Variants in ADCY8 observed in about 807,000 individuals in gnomAD.
ADCY8 encodes adenylate cyclase type 8.
A neutral mutation model predicts 119.7 loss-of-function variants in ADCY8; 51 were observed. The ratio of observed to expected loss-of-function variants is 0.43; its 90% CI spans 0.34 to 0.54. ADCY8 has a LOEUF of 0.54. Ranked by LOEUF, ADCY8 falls within the 20% of genes least tolerant of loss-of-function variation. The pLI, the probability that ADCY8 is intolerant of heterozygous loss-of-function variation, is 0.03. For synonymous variants in ADCY8, 665 were observed against 651.0 expected, an observed-to-expected ratio of 1.02 and a Z score of -0.33; for missense variants, 1,383 against 1,598.8, an observed-to-expected ratio of 0.87 and a Z score of 2.30.
intron 12 of ADCY8, among the ~76,000 whole-genome samples, chr8:130,834,262 G>A (rs2130253364): frequency 6.6e-6 from 1 of 152,120 alleles, no homozygotes; most frequent in East Asian, 1.9e-4. Context: ...ATATGAGCTG[G>A]CAATTCACAT....
intron 5 of ADCY8, among the ~76,000 whole-genome samples, chr8:130,915,931 G>T (rs1044449450): frequency 6.6e-6 from 1 of 152,096 alleles, no homozygotes; most frequent in Non-Finnish European, 1.5e-5. Flanking sequence ...TGGAAAAAAC[G>T]GTGCCCTTGA....
At chr8:131,016,725 G>C (rs897077220) in intron 1 of ADCY8, among the ~76,000 whole-genome samples, 2 of 152,098 alleles carry the variant, frequency 1.3e-5, no homozygotes, top group African/African-American at 4.8e-5. Flanking sequence ...TGTGGAGACA[G>C]GGATGAAGAA....
intron 2 of ADCY8, among the ~76,000 whole-genome samples, chr8:130,966,517 T>C (rs1034193963): frequency 3.3e-5 from 5 of 152,192 alleles, no homozygotes; most frequent in Non-Finnish European, 7.3e-5. Flanking sequence ...CAATGCATGT[T>C]TGTAGAAGGA....
At chr8:130,818,563 T>C (rs1369319822) in intron 13 of ADCY8, among the ~76,000 whole-genome samples, 1 of 152,190 alleles carries the variant, frequency 6.6e-6, no homozygotes, top group Non-Finnish European at 1.5e-5. Context: ...TCCGTCCCTC[T>C]GGAGATGTTT....
At chr8:131,035,666 A>G (rs776685752) in intron 1 of ADCY8, among the ~76,000 whole-genome samples, 2 of 152,290 alleles carry the variant, frequency 1.3e-5, no homozygotes, top group Non-Finnish European at 2.9e-5. Context: ...AGATTCTCAT[A>G]GCTTAGATTA....
intron 2 of ADCY8, 116 bp from the exon 3 acceptor site, chr8:130,952,114 T>G: frequency 8.7e-7 from 1 of 1,148,732 alleles, no homozygotes; most frequent in East Asian, 2.4e-5. Context: ...GATTGCTAAT[T>G]TCATACCATT....
At chr8:130,803,603 T>C (rs10956554) in intron 14 of ADCY8, among the ~76,000 whole-genome samples, 1 of 152,354 alleles carries the variant, frequency 6.6e-6, no homozygotes, top group East Asian at 1.9e-4. Flanking sequence ...TGCTTTCATA[T>C]GAATTCAGTG....
chr8:130,887,572 C>CT (rs756348077), intron 7 of ADCY8, among the ~76,000 whole-genome samples: 42 of 152,240 alleles, frequency 2.8e-4, no homozygotes, highest in Admixed American at 5.9e-4. Context: ...ATTACAAATG[C>CT]TGTTTGGCCA....
chr8:130,844,337 T>C (rs11783792), intron 11 of ADCY8, among the ~76,000 whole-genome samples: 32,825 of 152,128 alleles, frequency 0.22, 3,615 homozygotes, highest in Admixed American at 0.26. Context: ...CTTTCATTCC[T>C]GGCATCTTCA....
At chr8:130,952,850 C>T (rs1821315306) in intron 2 of ADCY8, among the ~76,000 whole-genome samples, 1 of 151,952 alleles carries the variant, frequency 6.6e-6, no homozygotes, top group Non-Finnish European at 1.5e-5. Context: ...ACTTTAGTTG[C>T]CTGGGAGAGT....
At chr8:130,938,685 A>G (rs1341246507) in intron 4 of ADCY8, among the ~76,000 whole-genome samples, 1 of 152,238 alleles carries the variant, frequency 6.6e-6, no homozygotes, top group Non-Finnish European at 1.5e-5. Flanking sequence ...ATACTATCCC[A>G]AGAAAAACAA....
chr8:130,883,294 G>A (rs1168957276), intron 8 of ADCY8, among the ~76,000 whole-genome samples: 2 of 152,102 alleles, frequency 1.3e-5, no homozygotes, highest in Admixed American at 6.5e-5. Context: ...TGCAGTAACC[G>A]GGAAAGAAAA....
chr8:131,027,220 T>C (rs1201480961), intron 1 of ADCY8, among the ~76,000 whole-genome samples: 1 of 152,206 alleles, frequency 6.6e-6, no homozygotes, highest in Non-Finnish European at 1.5e-5. Context: ...CAATTCTCCA[T>C]TTAAACACAC....
At chr8:130,922,389 A>C (rs113704524) in intron 5 of ADCY8, among the ~76,000 whole-genome samples, 13,263 of 151,124 alleles carry the variant, frequency 0.088, 588 homozygotes, top group Non-Finnish European at 0.1. Context: ...TGGGTACTTG[A>C]GATTAGGGAG....
intron 1 of ADCY8, among the ~76,000 whole-genome samples, chr8:130,999,716 C>T (rs985253423): frequency 6.6e-6 from 1 of 152,190 alleles, no homozygotes. Context: ...ATACTTCCAC[C>T]TATTTCTGGA....
chr8:130,990,246 C>T (rs1822532227), intron 2 of ADCY8, 147 bp downstream of exon 2: 2 of 1,040,848 alleles, frequency 1.9e-6, no homozygotes, highest in Non-Finnish European at 2.8e-6. Context: ...AAGTCTAACA[C>T]AACTATTTCA....
At chr8:130,790,219 A>G (rs1815382788) in intron 15 of ADCY8, among the ~76,000 whole-genome samples, 1 of 152,168 alleles carries the variant, frequency 6.6e-6, no homozygotes, top group African/African-American at 2.4e-5. Context: ...GGTGTCTTCT[A>G]CCTAAGCACT....
intron 1 of ADCY8, among the ~76,000 whole-genome samples, chr8:131,002,071 T>C (rs1822968492): frequency 6.6e-6 from 1 of 152,222 alleles, no homozygotes; most frequent in East Asian, 1.9e-4. Context: ...TGGCTAAGAA[T>C]TTGGGCTTCT....
chr8:131,012,021 T>G (rs988312467), intron 1 of ADCY8, among the ~76,000 whole-genome samples: 6 of 152,240 alleles, frequency 3.9e-5, no homozygotes, highest in Admixed American at 1.3e-4. Context: ...CCAATTACCA[T>G]CACTCCCAGG....
Sources: gnomAD v4.1 joint callset for allele counts (sites outside exome capture counted in the v4.1 genomes callset) on GRCh38, gnomAD v4.1.1 for gene constraint, MANE v1.5 for transcripts, NCBI Gene and HGNC (gene_info 2026-07-23, HGNC 2026-07-21) for gene names.